Variants in CAMTA1 observed in about 807,000 individuals in gnomAD.
CAMTA1 encodes calmodulin binding transcription activator 1, also known as calmodulin-binding transcription activator 1.
A neutral mutation model predicts 170.9 loss-of-function variants in CAMTA1; 27 were observed. That is an observed-to-expected ratio of 0.16 (90% CI 0.12 to 0.22). The LOEUF is 0.22. Among genes scored for constraint, CAMTA1 ranks in the 10% least tolerant of loss-of-function variants. CAMTA1 has a pLI of 1.00. For missense variants in CAMTA1, 1,619 were observed against 2,217.2 expected (o/e 0.73, Z 5.42); for synonymous variants, 833 against 891.5 (o/e 0.93, Z 1.17).
chr1:7,746,894 C>T (rs1394912920), intron 18 of CAMTA1, among the ~76,000 whole-genome samples: 1 of 152,212 alleles, frequency 6.6e-6, no homozygotes, highest in East Asian at 1.9e-4. Flanking sequence ...GCCTTGGCCT[C>T]CCAAAGTGCT....
intron 22 of CAMTA1, among the ~76,000 whole-genome samples, chr1:7,766,026 CAAAA>C (rs59692886): frequency 4.2e-5 from 3 of 71,406 alleles, no homozygotes; most frequent in East Asian, 4.6e-4. Flanking sequence ...GATTCTGTCT[CAAAA>C]AAAAAAAAAA....
rs566416731 is a variant in CAMTA1, at chr1:7,626,686, A to G, written c.511-13714A>G. On this transcript the variant is annotated intron_variant, in intron 6 of 22. Transcript: ENST00000303635. ...ACAGCAGAGGGTGGGGGTCGGGTGC[A>G]GCTCCCTGTCCTCACTCTCTACCTG... 2.0e-5 allele frequency among the ~76,000 whole-genome samples: 3 copies of G among 152,286 alleles called. No individual in the cohort carries two copies. In the East Asian group the frequency reaches 5.8e-4, roughly 29 times the overall value.
In CAMTA1 at chr1:6,958,493, C is replaced by T. The variant is rs143163984; in HGVS notation, c.235-132811C>T. 4.3e-3 allele frequency among the ~76,000 whole-genome samples: 651 copies of T among 152,330 alleles called. 6 individuals carry two copies. Among genetic ancestry groups the T allele is most frequent in the African/African-American group, 0.015 (635 of 41,558 alleles). On this transcript the variant is annotated intron_variant, in intron 3 of 22. Transcript: ENST00000303635. ...TTTCCAGGCATCTCCCTGGACCTGTCCACACAACAGATTTCTGGAGCGCAT... is the reference window on the plus strand; with the variant it reads ...TTTCCAGGCATCTCCCTGGACCTGTTCACACAACAGATTTCTGGAGCGCAT...
chr1:7,681,664 T>C lies in CAMTA1; in HGVS notation c.2914+3931T>C, dbSNP rs1401200089. Reference sequence around the variant, plus strand: ...CTGGAGACCCACTGGGGAGGATCTCTGGGAAATGTCACTTATACCTGTGAT... The same window carrying C: ...CTGGAGACCCACTGGGGAGGATCTCCGGGAAATGTCACTTATACCTGTGAT... On this transcript the variant is annotated intron_variant, in intron 11 of 22. Coordinates refer to ENST00000303635, the MANE Select transcript of CAMTA1 (RefSeq NM_015215.4). This position sits in a 1 kb window ranked among gnomAD's most constrained non-coding sequence, Gnocchi z 4.6. 6.6e-6 allele frequency among the ~76,000 whole-genome samples: 1 copy of C among 152,228 alleles called. No homozygotes were observed. The highest frequency in any genetic ancestry group is 1.5e-5 in the Non-Finnish European group (1 of 68,036).
At chr1:7,240,519 T>G (rs1454285421) in intron 4 of CAMTA1, among the ~76,000 whole-genome samples, 2 of 134,878 alleles carry the variant, frequency 1.5e-5, no homozygotes, top group African/African-American at 5.9e-5. Flanking sequence ...TTCCAGAGTC[T>G]TTTTTTTTTT....
At chr1:7,308,166 C>T (rs1416724555) in intron 5 of CAMTA1, among the ~76,000 whole-genome samples, 1 of 151,518 alleles carries the variant, frequency 6.6e-6, no homozygotes, top group Non-Finnish European at 1.5e-5. Context: ...TCACTGTTTT[C>T]CCTTATCTTT....
chr1:7,357,674 G>A (rs1025967839), intron 5 of CAMTA1, among the ~76,000 whole-genome samples: 4 of 77,672 alleles, frequency 5.1e-5, no homozygotes, highest in African/African-American at 2.1e-4. Flanking sequence ...TTTCTGGTTT[G>A]CTTGCTTTTG....
chr1:7,110,291 T>A lies in CAMTA1; in HGVS notation c.302+18920T>A, dbSNP rs1425359812. On this transcript the variant is annotated intron_variant, in intron 4 of 22. Coordinates refer to ENST00000303635, the MANE Select transcript of CAMTA1 (RefSeq NM_015215.4). ...GCACCCCCCTTCCCCCCTTTTTTTT[T>A]AAGTTTCTTTTCCTGAAGGGCTAGA... Among the ~76,000 whole-genome samples, 9 of 152,102 alleles carry A rather than the reference T, an allele frequency of 5.9e-5. No individual in the cohort carries two copies. The East Asian group carries it at 1.5e-3, about 26-fold the overall frequency.
intron 3 of CAMTA1, among the ~76,000 whole-genome samples, chr1:6,838,010 A>T (rs1377348147): frequency 6.6e-6 from 1 of 152,186 alleles, no homozygotes; most frequent in African/African-American, 2.4e-5. Context: ...GTGGACAGGG[A>T]TCTTATGCCA....
chr1:7,053,116 C>G (rs1388853546), intron 3 of CAMTA1, among the ~76,000 whole-genome samples: 2 of 152,220 alleles, frequency 1.3e-5, no homozygotes, highest in Non-Finnish European at 2.9e-5. Context: ...CCCTCATGCT[C>G]CTTGCCAAGG....
intron 21 of CAMTA1, among the ~76,000 whole-genome samples, chr1:7,753,006 GCTGGT>G (rs2096908309): frequency 6.6e-6 from 1 of 152,158 alleles, no homozygotes; most frequent in African/African-American, 2.4e-5. Context: ...GGTGCCCTCT[GCTGGT>G]CATGTAATCG....
At chr1:7,620,880 A>C (rs2095593419) in intron 6 of CAMTA1, among the ~76,000 whole-genome samples, 1 of 152,220 alleles carries the variant, frequency 6.6e-6, no homozygotes, top group Non-Finnish European at 1.5e-5. Flanking sequence ...CGAGAAATTG[A>C]ACCTGACAGT....
intron 5 of CAMTA1, among the ~76,000 whole-genome samples, chr1:7,294,412 C>T (rs548582074): frequency 1.3e-5 from 2 of 152,302 alleles, no homozygotes; most frequent in Admixed American, 6.5e-5. Flanking sequence ...TCACTGGCTG[C>T]TAGACTGCCT....
rs1210077523 is a variant in CAMTA1, at chr1:7,680,996, G to C, written c.2914+3263G>C. ...ATCGTCCCCACGTTGGGGCCGGGGG[G>C]CAGGGACCCGACGTCCCCAAAATCT... On this transcript the variant is annotated intron_variant, in intron 11 of 22. Coordinates refer to ENST00000303635, the MANE Select transcript of CAMTA1 (RefSeq NM_015215.4). This position sits in a 1 kb window ranked among gnomAD's most constrained non-coding sequence, Gnocchi z 4.4. 2.0e-5 allele frequency among the ~76,000 whole-genome samples: 3 copies of C among 152,064 alleles called. No individual in the cohort carries two copies. Among genetic ancestry groups the C allele is most frequent in the Admixed American group, 6.5e-5 (1 of 15,282 alleles).
At position 7,500,235 on chromosome 1, in the gene CAMTA1, A is replaced by G. The variant is rs1470463683; in HGVS notation, c.510+32334A>G. On this transcript the variant is annotated intron_variant, in intron 6 of 22. Transcript: ENST00000303635. ...TATGTATATGAGTGTATGTGTGTTCATGAGTGAGTGTGTAGAGAGGATTGT... is the reference window on the plus strand; with the variant it reads ...TATGTATATGAGTGTATGTGTGTTCGTGAGTGAGTGTGTAGAGAGGATTGT... Among the ~76,000 whole-genome samples, 153 of 77,044 alleles carry G rather than the reference A, an allele frequency of 2.0e-3. 3 individuals carry two copies. The highest frequency in any genetic ancestry group is 0.012 in the Middle Eastern group (1 of 86). 50.5% of individuals were successfully genotyped at this position (77,044 alleles called of 152,430 possible). A position where few individuals can be genotyped will look rare whatever the true frequency, so the allele number is the denominator to read the frequency against.
intron 5 of CAMTA1, among the ~76,000 whole-genome samples, chr1:7,353,795 G>A (rs1326467336): frequency 6.6e-6 from 1 of 152,050 alleles, no homozygotes; most frequent in African/African-American, 2.4e-5. Context: ...TACATGTGCA[G>A]GTTTGTTACA....
chr1:6,869,761 G>A (rs1249462933), intron 3 of CAMTA1, among the ~76,000 whole-genome samples: 3 of 152,132 alleles, frequency 2.0e-5, no homozygotes, highest in Admixed American at 6.5e-5. Flanking sequence ...TAGGTGAGGC[G>A]ATTGATTTCA....
At chr1:7,030,130 G>A (rs918895383) in intron 3 of CAMTA1, among the ~76,000 whole-genome samples, 5 of 152,276 alleles carry the variant, frequency 3.3e-5, no homozygotes, top group South Asian at 4.2e-4. Context: ...CCCTACAAGC[G>A]GTACTTTCTT....
At chr1:6,988,456 T>C (rs1695731650) in intron 3 of CAMTA1, among the ~76,000 whole-genome samples, 1 of 152,192 alleles carries the variant, frequency 6.6e-6, no homozygotes, top group Admixed American at 6.5e-5. Context: ...CCGAGTATTG[T>C]ACAAAGTGAT....
Sources: gnomAD v4.1 joint callset for allele counts (sites outside exome capture counted in the v4.1 genomes callset) on GRCh38, gnomAD v4.1.1 for gene constraint, Gnocchi (gnomAD v3.1) non-coding constraint, MANE v1.5 for transcripts, NCBI Gene and HGNC (gene_info 2026-07-23, HGNC 2026-07-21) for gene names.